CSMD2: variants seen among roughly 807,000 people sequenced by gnomAD.
CSMD2 encodes the protein CUB and sushi domain-containing protein 2.
In CSMD2, 130 loss-of-function variants were observed where a neutral mutation model predicts 398.5. The ratio of observed to expected loss-of-function variants is 0.33; its 90% CI spans 0.28 to 0.38. The LOEUF (loss-of-function observed/expected upper bound fraction) is 0.38, where lower values mean the gene tolerates loss of function less well. Ranked by LOEUF, CSMD2 falls within the 10% of genes least tolerant of loss-of-function variation. The pLI is 1.00. For missense variants in CSMD2, 3,829 were observed against 4,764.9 expected, an observed-to-expected ratio of 0.80 and a Z score of 5.78; for synonymous variants, 1,828 against 1,908.5, an observed-to-expected ratio of 0.96 and a Z score of 1.10.
intron 56 of CSMD2, among the ~76,000 whole-genome samples, chr1:33,547,218 A>G (rs1243839907): frequency 2.0e-5 from 3 of 152,178 alleles, no homozygotes; most frequent in African/African-American, 7.2e-5. Context: ...GAGACCTCCA[A>G]GGACCCAAGG....
chr1:34,163,928 G>A lies in CSMD2; in HGVS notation c.187+983C>T, dbSNP rs540912583. 6.6e-6 allele frequency among the ~76,000 whole-genome samples: 1 copy of A among 152,132 alleles called. No homozygotes were observed. Among genetic ancestry groups the A allele is most frequent in the African/African-American group, 2.4e-5 (1 of 41,452 alleles). ...GCCAGTAGCCTCCACAGGGGACCGGGTTCCCTCGAAGGTTCGCGTACCTCC... is the reference window on the plus strand; with the variant it reads ...GCCAGTAGCCTCCACAGGGGACCGGATTCCCTCGAAGGTTCGCGTACCTCC... On this transcript the variant is annotated intron_variant, in intron 1 of 70. Transcript: ENST00000373381. This position sits in a 1 kb window ranked among gnomAD's most constrained non-coding sequence, Gnocchi z 5.4.
chr1:33,891,203 G>GAA (rs201326020), intron 5 of CSMD2, among the ~76,000 whole-genome samples: 83,596 of 144,506 alleles, frequency 0.58, 24,544 homozygotes, highest in East Asian at 0.84. Context: ...AAATTTACAA[G>GAA]AAAAAAAAAA....
chr1:33,793,369 G>A (rs1336475815), intron 10 of CSMD2, among the ~76,000 whole-genome samples: 1 of 152,076 alleles, frequency 6.6e-6, no homozygotes, highest in African/African-American at 2.4e-5. Flanking sequence ...AGGTGCACAG[G>A]GCCTGAGCTA....
intron 1 of CSMD2, among the ~76,000 whole-genome samples, chr1:34,135,314 T>A (rs942772014): frequency 1.4e-4 from 21 of 149,722 alleles, no homozygotes; most frequent in Middle Eastern, 3.2e-3. Context: ...TTGTTTGGGG[T>A]AGCCCAAAAC....
chr1:33,638,122 G>A (rs1248390814), intron 29 of CSMD2, among the ~76,000 whole-genome samples: 2 of 152,108 alleles, frequency 1.3e-5, no homozygotes, highest in African/African-American at 2.4e-5. Flanking sequence ...ACCCAAGTGG[G>A]ACCGACAACA....
intron 22 of CSMD2, among the ~76,000 whole-genome samples, chr1:33,707,721 A>G (rs1645850353): frequency 6.6e-6 from 1 of 151,086 alleles, no homozygotes; most frequent in African/African-American, 2.5e-5. Flanking sequence ...ACACACACAC[A>G]CACACACACA....
chr1:33,700,304 G>C (rs530529666), intron 23 of CSMD2, among the ~76,000 whole-genome samples: 1 of 152,296 alleles, frequency 6.6e-6, no homozygotes, highest in South Asian at 2.1e-4. Context: ...ACTGTGCCCG[G>C]CCACTTCACT....
At chr1:33,620,867 T>A (rs1486431379) in intron 37 of CSMD2, among the ~76,000 whole-genome samples, 3 of 144,226 alleles carry the variant, frequency 2.1e-5, no homozygotes, top group African/African-American at 7.7e-5. Flanking sequence ...GTGATGAGCA[T>A]CCTGGGACCT....
Position 33,635,568 on chromosome 1 carries a change from T to C in CSMD2, c.4970-238A>G, listed in dbSNP as rs1642747714. Among the ~76,000 whole-genome samples, 1 of 152,158 alleles carries C rather than the reference T, an allele frequency of 6.6e-6. No homozygotes were observed. The highest frequency in any genetic ancestry group is 1.5e-5 in the Non-Finnish European group (1 of 68,012). On this transcript the variant is annotated intron_variant, in intron 30 of 70. Transcript: ENST00000373381. This position sits in a 1 kb window ranked among gnomAD's most constrained non-coding sequence, Gnocchi z 5.0. Reference sequence around the variant, plus strand: ...TACCGAGGGCCCTCTTGGGCAGGTGTCAGTTCTTGCCCTCTACCTATTAAC... The same window carrying C: ...TACCGAGGGCCCTCTTGGGCAGGTGCCAGTTCTTGCCCTCTACCTATTAAC...
Position 33,888,593 on chromosome 1 carries a change from A to C in CSMD2, c.920+29501T>G, listed in dbSNP as rs1641756074. Among the ~76,000 whole-genome samples, 7 of 152,204 alleles carry C rather than the reference A, an allele frequency of 4.6e-5. No homozygotes were observed. The South Asian group carries it at 1.4e-3, about 31-fold the overall frequency. On this transcript the variant is annotated intron_variant, in intron 5 of 70. Coordinates refer to ENST00000373381, the MANE Select transcript of CSMD2 (RefSeq NM_001281956.2). ...TATAGCTCAAACCTCGTACAAAAAT[A>C]TAATTCACACAGATTAAATAGCTAA...
chr1:34,075,234 CTT>C (rs1656194144), intron 2 of CSMD2, among the ~76,000 whole-genome samples: 1 of 152,222 alleles, frequency 6.6e-6, no homozygotes, highest in East Asian at 1.9e-4. Context: ...TGAACAAAGA[CTT>C]TTCCCTCATC....
At chr1:33,800,427 G>A (rs1570010522) in intron 10 of CSMD2, among the ~76,000 whole-genome samples, 1 of 152,290 alleles carries the variant, frequency 6.6e-6, no homozygotes, top group East Asian at 1.9e-4. Flanking sequence ...CATTTTGGTG[G>A]TTCTGAGAGC....
intron 2 of CSMD2, among the ~76,000 whole-genome samples, chr1:34,080,343 C>G (rs9425900): frequency 0.018 from 2,740 of 151,806 alleles, 44 homozygotes; most frequent in East Asian, 0.053. Flanking sequence ...ATTGCCTATC[C>G]GCAAATATCA....
intron 3 of CSMD2, among the ~76,000 whole-genome samples, chr1:33,948,119 G>A (rs1235571930): frequency 6.6e-6 from 1 of 152,206 alleles, no homozygotes; most frequent in Non-Finnish European, 1.5e-5. Context: ...ATGGTACTTG[G>A]TGAACATTTT....
intron 6 of CSMD2, among the ~76,000 whole-genome samples, chr1:33,832,827 T>C (rs921663110): frequency 1.5e-4 from 23 of 152,162 alleles, no homozygotes; most frequent in South Asian, 2.1e-4. Flanking sequence ...ATATCACCAC[T>C]GATCCCACAG....
intron 13 of CSMD2, among the ~76,000 whole-genome samples, chr1:33,770,779 G>A (rs1378949047): frequency 6.6e-6 from 1 of 152,206 alleles, no homozygotes; most frequent in Non-Finnish European, 1.5e-5. Context: ...ACACATACTT[G>A]TTGGGACAGA....
intron 1 of CSMD2, among the ~76,000 whole-genome samples, chr1:34,128,486 C>T (rs773641362): frequency 6.6e-6 from 1 of 152,156 alleles, no homozygotes; most frequent in Non-Finnish European, 1.5e-5. Flanking sequence ...AGCACGTTGT[C>T]GAAGTGGTGG....
intron 53 of CSMD2, among the ~76,000 whole-genome samples, chr1:33,560,865 C>T (rs1467579518): frequency 6.6e-6 from 1 of 152,206 alleles, no homozygotes. Context: ...TAAATATTTG[C>T]TGAGTGAATC....
chr1:34,069,738 G>A (rs1002333845), intron 2 of CSMD2, among the ~76,000 whole-genome samples: 1 of 152,282 alleles, frequency 6.6e-6, no homozygotes, highest in East Asian at 1.9e-4. Context: ...ACAGAATACT[G>A]CCTGGTCTCA....
Sources: gnomAD v4.1 joint callset for allele counts (sites outside exome capture counted in the v4.1 genomes callset) on GRCh38, gnomAD v4.1.1 for gene constraint, Gnocchi (gnomAD v3.1) non-coding constraint, MANE v1.5 for transcripts, NCBI Gene and HGNC (gene_info 2026-07-23, HGNC 2026-07-21) for gene names.